The following MAGI1 variants were observed in gnomAD, a reference collection of about 807,000 sequenced individuals.
MAGI1 encodes the protein membrane-associated guanylate kinase, WW and PDZ domain-containing protein 1.
In MAGI1, 58 loss-of-function variants were observed where a neutral mutation model predicts 139.9. The observed-to-expected ratio is 0.41, with a 90% CI of 0.34 to 0.52. The LOEUF (loss-of-function observed/expected upper bound fraction) is 0.52, where lower values mean the gene tolerates loss of function less well. Ranked by LOEUF, MAGI1 falls within the 20% of genes least tolerant of loss-of-function variation. MAGI1 has a pLI of 0.12. For missense variants in MAGI1, 1,874 were observed against 1,901.6 expected, an observed-to-expected ratio of 0.99 and a Z score of 0.27; for synonymous variants, 812 against 737.9, an observed-to-expected ratio of 1.10 and a Z score of -1.63.
chr3:65,452,534 G>A (rs1021615625), intron 6 of MAGI1: 6 of 151,706 alleles, frequency 4.0e-5, no homozygotes. Context: ...GGTAGAACTT[G>A]GGATAGACGT....
At chr3:65,592,937 A>T (rs1157332172) in intron 2 of MAGI1, among the ~76,000 whole-genome samples, 2 of 152,158 alleles carry the variant, frequency 1.3e-5, no homozygotes, top group African/African-American at 4.8e-5. Flanking sequence ...AAGCTACAGG[A>T]GGGCAGGGGG....
intron 1 of MAGI1, among the ~76,000 whole-genome samples, chr3:65,648,399 C>T (rs1383332985): frequency 6.6e-6 from 1 of 152,144 alleles, no homozygotes; most frequent in East Asian, 1.9e-4. Context: ...ATCTTCCTGC[C>T]TCAGCCTCCC....
chr3:65,609,772 T>A (rs1330996099), intron 2 of MAGI1: 2 of 346,044 alleles, frequency 5.8e-6, no homozygotes, highest in Admixed American at 6.0e-5. Flanking sequence ...AGATGGGGTC[T>A]CCCAATGTTG....
intron 1 of MAGI1, among the ~76,000 whole-genome samples, chr3:65,860,082 G>A (rs2059504010): frequency 6.6e-6 from 1 of 151,986 alleles, no homozygotes; most frequent in South Asian, 2.1e-4. Flanking sequence ...TTTTAGTAGA[G>A]ACAGGGTTTC....
At chr3:65,536,155 T>A (rs910933610) in intron 2 of MAGI1, among the ~76,000 whole-genome samples, 18 of 152,240 alleles carry the variant, frequency 1.2e-4, no homozygotes, top group African/African-American at 4.3e-4. Flanking sequence ...ATTTGGTGTC[T>A]GTTACATACA....
chr3:65,445,244 T>C (rs765316072), intron 7 of MAGI1, among the ~76,000 whole-genome samples: 1 of 152,164 alleles, frequency 6.6e-6, no homozygotes, highest in Non-Finnish European at 1.5e-5. Flanking sequence ...TTACTTAACA[T>C]CTCTGAACCA....
At chr3:65,453,823 A>T (rs1270951452) in intron 5 of MAGI1, among the ~76,000 whole-genome samples, 1 of 152,180 alleles carries the variant, frequency 6.6e-6, no homozygotes, top group Non-Finnish European at 1.5e-5. Flanking sequence ...CACATAAATG[A>T]CTCAAAACTA....
At chr3:65,404,663 A>G (rs1481425508) in intron 12 of MAGI1, among the ~76,000 whole-genome samples, 2 of 152,224 alleles carry the variant, frequency 1.3e-5, no homozygotes, top group Admixed American at 6.5e-5. Flanking sequence ...TTACTAGTTT[A>G]TAATTTATTT....
At chr3:65,772,756 G>A (rs1394152748) in intron 1 of MAGI1, among the ~76,000 whole-genome samples, 1 of 152,224 alleles carries the variant, frequency 6.6e-6, no homozygotes, top group Non-Finnish European at 1.5e-5. Flanking sequence ...CTAAGTTTGG[G>A]ACAAGACATG....
chr3:65,986,357 G>A (rs1434983135), intron 1 of MAGI1, among the ~76,000 whole-genome samples: 2 of 152,188 alleles, frequency 1.3e-5, no homozygotes, highest in Non-Finnish European at 2.9e-5. Context: ...CAACCTAAAC[G>A]CTAATTTTAT....
At chr3:65,917,987 G>A (rs2061986267) in intron 1 of MAGI1, among the ~76,000 whole-genome samples, 1 of 152,164 alleles carries the variant, frequency 6.6e-6, no homozygotes, top group Admixed American at 6.5e-5. Context: ...ACCTTGGTGG[G>A]GGACGTTGAT....
intron 1 of MAGI1, among the ~76,000 whole-genome samples, chr3:65,946,247 A>G (rs1345300201): frequency 6.6e-6 from 1 of 152,224 alleles, no homozygotes. Flanking sequence ...GGAATAAAAA[A>G]TGTGTTACTT....
intron 2 of MAGI1, among the ~76,000 whole-genome samples, chr3:65,574,842 G>C (rs2081108416): frequency 6.6e-6 from 1 of 151,952 alleles, no homozygotes; most frequent in Non-Finnish European, 1.5e-5. Context: ...AAGATGCAAA[G>C]ACAATTAAGT....
chr3:65,617,772 AT>A (rs139077205), intron 2 of MAGI1, among the ~76,000 whole-genome samples: 3,375 of 152,282 alleles, frequency 0.022, 94 homozygotes, highest in African/African-American at 0.071. Context: ...GAAGAAAAAA[AT>A]AAAAGAAGAA....
intron 10 of MAGI1, among the ~76,000 whole-genome samples, chr3:65,435,972 T>C (rs1402482383): frequency 6.6e-6 from 1 of 152,140 alleles, no homozygotes; most frequent in Non-Finnish European, 1.5e-5. Flanking sequence ...AGAAGGAATT[T>C]TATGTTTACA....
intron 1 of MAGI1, among the ~76,000 whole-genome samples, chr3:65,731,808 T>C (rs2034226932): frequency 1.3e-5 from 2 of 152,108 alleles, no homozygotes; most frequent in Admixed American, 6.6e-5. Context: ...CGAAGACTGA[T>C]ACTAAGAAGA....
At chr3:65,881,585 CCACTCTA>C (rs1236195805) in intron 1 of MAGI1, among the ~76,000 whole-genome samples, 1 of 152,002 alleles carries the variant, frequency 6.6e-6, no homozygotes, top group Non-Finnish European at 1.5e-5. Context: ...CATGATCTCA[CCACTCTA>C]CTCCAGCTTG....
intron 1 of MAGI1, among the ~76,000 whole-genome samples, chr3:65,790,669 G>T (rs1430029918): frequency 6.6e-6 from 1 of 152,188 alleles, no homozygotes; most frequent in Non-Finnish European, 1.5e-5. Context: ...TAATAAAGTG[G>T]GAAAGGGGTA....
intron 1 of MAGI1, among the ~76,000 whole-genome samples, chr3:65,710,441 C>T (rs377368545): frequency 2.0e-5 from 3 of 151,628 alleles, no homozygotes; most frequent in Non-Finnish European, 2.9e-5. Flanking sequence ...CCACCATGCC[C>T]GGCTAATTTT....
Sources: gnomAD v4.1 joint callset for allele counts (sites outside exome capture counted in the v4.1 genomes callset) on GRCh38, gnomAD v4.1.1 for gene constraint, MANE v1.5 for transcripts, NCBI Gene and HGNC (gene_info 2026-07-23, HGNC 2026-07-21) for gene names.